The following PTPRD variants were observed in gnomAD, a reference collection of about 807,000 sequenced individuals.
PTPRD encodes protein tyrosine phosphatase receptor type D, also known as receptor-type tyrosine-protein phosphatase delta.
In PTPRD, 34 loss-of-function variants were observed where a neutral mutation model predicts 214.5. The observed-to-expected ratio is 0.16, with a 90% CI of 0.12 to 0.21. PTPRD has a LOEUF of 0.21. Among genes scored for constraint, PTPRD ranks in the 10% least tolerant of loss-of-function variants. The pLI, the probability that PTPRD is intolerant of heterozygous loss-of-function variation, is 1.00. For missense variants in PTPRD, 2,545 were observed against 2,398.7 expected, an observed-to-expected ratio of 1.06 and a Z score of -1.27; for synonymous variants, 1,128 against 845.7, an observed-to-expected ratio of 1.33 and a Z score of -5.79.
At chr9:9,149,161 G>A (rs79976327) in intron 10 of PTPRD, among the ~76,000 whole-genome samples, 2,319 of 152,200 alleles carry the variant, frequency 0.015, 25 homozygotes, top group Non-Finnish European at 0.025. Flanking sequence ...TAAAATTATC[G>A]CTCACCTCAG....
intron 5 of PTPRD, among the ~76,000 whole-genome samples, chr9:9,779,861 A>G (rs369158354): frequency 6.6e-6 from 1 of 152,192 alleles, no homozygotes; most frequent in African/African-American, 2.4e-5. Flanking sequence ...TTTCTCAAAA[A>G]ACTTAAAATA....
intron 11 of PTPRD, chr9:8,860,301 G>A (rs2098077677): frequency 6.6e-6 from 1 of 152,152 alleles, no homozygotes; most frequent in Non-Finnish European, 1.5e-5. Flanking sequence ...TACACCACTG[G>A]TAGTGATTTA....
chr9:10,212,556 A>G (rs2099522269), intron 3 of PTPRD, among the ~76,000 whole-genome samples: 1 of 152,166 alleles, frequency 6.6e-6, no homozygotes, highest in Non-Finnish European at 1.5e-5. Context: ...GACATCCTAT[A>G]GTTTAAAAGC....
chr9:9,443,594 A>T (rs1430785797), intron 8 of PTPRD, among the ~76,000 whole-genome samples: 1 of 152,196 alleles, frequency 6.6e-6, no homozygotes, highest in Non-Finnish European at 1.5e-5. Flanking sequence ...AAGAAGTCTG[A>T]CTACTTGTCA....
At chr9:8,787,914 T>A (rs992913146) in intron 11 of PTPRD, among the ~76,000 whole-genome samples, 2 of 143,034 alleles carry the variant, frequency 1.4e-5, no homozygotes, top group African/African-American at 5.3e-5. Flanking sequence ...CCCTATCACC[T>A]TTTTTTAAAA....
At chr9:9,958,156 T>G (rs968035667) in intron 4 of PTPRD, among the ~76,000 whole-genome samples, 2 of 152,132 alleles carry the variant, frequency 1.3e-5, no homozygotes, top group African/African-American at 4.8e-5. Context: ...ATAAGTGATG[T>G]TGAGTTTGGC....
intron 34 of PTPRD, among the ~76,000 whole-genome samples, chr9:8,446,381 A>T (rs2095725943): frequency 6.6e-6 from 1 of 152,216 alleles, no homozygotes. Context: ...CTTTTTTGAG[A>T]AAGTAGAATT....
intron 14 of PTPRD, among the ~76,000 whole-genome samples, chr9:8,542,115 C>T (rs139401529): frequency 4.6e-4 from 70 of 152,058 alleles, no homozygotes; most frequent in African/African-American, 1.6e-3. Flanking sequence ...TCAGGCAAAA[C>T]CTGAGGGCAT....
intron 8 of PTPRD, among the ~76,000 whole-genome samples, chr9:9,413,418 GCTT>G (rs1317263154): frequency 6.6e-6 from 1 of 152,106 alleles, no homozygotes; most frequent in Non-Finnish European, 1.5e-5. Context: ...CCGGCCTGCA[GCTT>G]CTTATTTTAA....
chr9:9,482,484 T>C (rs1013325035), intron 8 of PTPRD, among the ~76,000 whole-genome samples: 5 of 152,192 alleles, frequency 3.3e-5, no homozygotes, highest in African/African-American at 1.2e-4. Context: ...ATTTGAAGAA[T>C]TGTTCTTTTC....
intron 9 of PTPRD, among the ~76,000 whole-genome samples, chr9:9,236,264 A>C (rs1032594512): frequency 6.6e-6 from 1 of 152,148 alleles, no homozygotes; most frequent in Non-Finnish European, 1.5e-5. Flanking sequence ...AAAATAAATA[A>C]ATAAATACAC....
At chr9:8,662,876 G>T (rs1026215074) in intron 12 of PTPRD, among the ~76,000 whole-genome samples, 44 of 152,054 alleles carry the variant, frequency 2.9e-4, no homozygotes, top group African/African-American at 1.0e-3. Context: ...TTATCTTAAA[G>T]GAAACCTCTT....
At chr9:10,363,991 GTTTTTTT>G (rs71270610) in intron 2 of PTPRD, among the ~76,000 whole-genome samples, 3 of 35,132 alleles carry the variant, frequency 8.5e-5, no homozygotes, top group East Asian at 5.6e-4. Flanking sequence ...ACATTTTCGG[GTTTTTTT>G]TTTTTTTTTT....
chr9:8,796,550 A>G (rs1487151414), intron 11 of PTPRD, among the ~76,000 whole-genome samples: 3 of 152,256 alleles, frequency 2.0e-5, no homozygotes, highest in East Asian at 1.9e-4. Context: ...TCTCCTCCCA[A>G]TATTTAATTT....
intron 3 of PTPRD, among the ~76,000 whole-genome samples, chr9:10,310,091 T>G (rs891223086): frequency 6.6e-6 from 1 of 152,098 alleles, no homozygotes; most frequent in African/African-American, 2.4e-5. Context: ...ATTAACCAAT[T>G]ACTCTCTTTT....
intron 7 of PTPRD, among the ~76,000 whole-genome samples, chr9:9,605,843 C>A (rs140373576): frequency 6.6e-6 from 1 of 151,984 alleles, no homozygotes; most frequent in Non-Finnish European, 1.5e-5. Flanking sequence ...TTGCATTACA[C>A]GAATTTCCAA....
intron 11 of PTPRD, among the ~76,000 whole-genome samples, chr9:8,792,767 G>A (rs556161509): frequency 3.3e-5 from 5 of 152,204 alleles, no homozygotes; most frequent in African/African-American, 1.2e-4. Flanking sequence ...TCTCGTCCTT[G>A]CTCATAAAAG....
chr9:8,499,510 C>T (rs935541548), intron 25 of PTPRD, 137 bp downstream of exon 25: 4 of 781,530 alleles, frequency 5.1e-6, no homozygotes, highest in East Asian at 2.7e-5. Flanking sequence ...GATCAATATA[C>T]ATCAATGTGA....
intron 10 of PTPRD, among the ~76,000 whole-genome samples, chr9:9,130,506 TG>T (rs1312472689): frequency 9.9e-5 from 15 of 152,278 alleles, no homozygotes; most frequent in African/African-American, 3.4e-4. Context: ...GGGGACAAAG[TG>T]TTACAGTAAA....
Sources: allele counts gnomAD v4.1 joint callset (sites outside exome capture counted in the v4.1 genomes callset), GRCh38; gene constraint gnomAD v4.1.1; transcripts MANE v1.5; gene names NCBI Gene and HGNC (gene_info 2026-07-23, HGNC 2026-07-21).